Variants in ATL3 observed in about 807,000 individuals in gnomAD.
ATL3 encodes the protein atlastin GTPase 3.
Under a neutral mutation model 69.5 loss-of-function variants are expected in ATL3, and 49 were observed. The ratio of observed to expected loss-of-function variants is 0.71; its 90% CI spans 0.56 to 0.89. ATL3 has a LOEUF of 0.89. Ranked by LOEUF, ATL3 falls within the 40% of genes least tolerant of loss-of-function variation. The pLI is 0.00. For missense variants in ATL3, 606 were observed against 645.7 expected (o/e 0.94, Z 0.67); for synonymous variants, 214 against 224.1 (o/e 0.95, Z 0.40).
rs747971894 is a variant in ATL3, at chr11:63,660,855, C to CAT, written c.47-1605_47-1604dup. 4.9e-4 allele frequency among the ~76,000 whole-genome samples: 74 copies of CAT among 151,430 alleles called. 1 individual carries two copies. In the South Asian group the frequency reaches 5.0e-3, roughly 10 times the overall value. On this transcript the variant is annotated intron_variant, in intron 1 of 12. Transcript: ENST00000398868. ...AGCTTTATTTAGATATATATATACACATATATATATATTATTTAATCCTCA... is the reference window on the plus strand; with the variant it reads ...AGCTTTATTTAGATATATATATACACATATATATATATATTATTTAATCCTCA...
At position 63,629,369 on chromosome 11, in the gene ATL3, C is replaced by A. The variant is rs1939229666; in HGVS notation, c.1576G>T (p.Val526Leu). ...GGTCTTCCAACAACTGCATCCCTCA[C>A]AGTGGCCTGAGTGGAATTACCGATA... The part of the protein sequence containing the change: ...SHIGNSTQAT[V>L]RDAVVGRPSM... The change falls in exon 13 of 13, where the codon GTG becomes TTG. Residue 526 changes from valine to leucine, a missense_variant. Coordinates refer to ENST00000398868, the MANE Select transcript of ATL3 (RefSeq NM_015459.5). 1 of 1,614,096 alleles carries A rather than the reference C, an allele frequency of 6.2e-7. No homozygotes were observed. Among genetic ancestry groups the A allele is most frequent in the African/African-American group, 1.3e-5 (1 of 74,926 alleles).
chr11:63,671,071 C>T (rs902557487), intron 1 of ATL3, among the ~76,000 whole-genome samples: 3 of 152,122 alleles, frequency 2.0e-5, no homozygotes, highest in African/African-American at 7.2e-5. Flanking sequence ...CGCCCCCGGC[C>T]GAAAAGTAAG....
intron 3 of ATL3, 58 bp downstream of exon 3, chr11:63,658,703 C>A: frequency 6.5e-7 from 1 of 1,535,466 alleles, no homozygotes. Context: ...ACAGTACATG[C>A]TGAAGTTCAT....
intron 1 of ATL3, chr11:63,670,485 C>T (rs918335709): frequency 6.6e-6 from 1 of 152,194 alleles, no homozygotes; most frequent in Non-Finnish European, 1.5e-5. Context: ...GCAAGTGAAA[C>T]GGTCATTTCA....
At position 63,628,014 on chromosome 11, in the gene ATL3, C is replaced by T. The variant is rs894477013; in HGVS notation, c.*1305G>A. The T allele has an allele frequency of 6.6e-6, 1 of 152,158 alleles. No individual in the cohort carries two copies. The highest frequency in any genetic ancestry group is 1.5e-5 in the Non-Finnish European group (1 of 68,022). 9.4% of individuals were successfully genotyped at this position (152,158 alleles called of 1,614,324 possible). ...TGCTGCTAAGCCACATGAAATTAGA[C>T]ATCAATTAAACGCAGTAATATTTGT... On this transcript the variant is annotated 3_prime_UTR_variant, in exon 13 of 13. Coordinates refer to ENST00000398868, the MANE Select transcript of ATL3 (RefSeq NM_015459.5).
At chr11:63,629,474 T>A in intron 12 of ATL3, 69 bp from the exon 13 acceptor site, 2 of 1,393,100 alleles carry the variant, frequency 1.4e-6, no homozygotes, top group Non-Finnish European at 2.0e-6. Flanking sequence ...AGTAAGTCCT[T>A]AAACTTTCAA....
At chr11:63,655,393 C>T (rs1423154615) in intron 3 of ATL3, among the ~76,000 whole-genome samples, 2 of 151,854 alleles carry the variant, frequency 1.3e-5, no homozygotes, top group Non-Finnish European at 2.9e-5. Flanking sequence ...TCAGGTGATC[C>T]GCCCACCCCA....
At position 63,631,182 on chromosome 11, in the gene ATL3, A is replaced by C; in HGVS notation, c.1397T>G (p.Leu466Arg). 7 of 1,614,214 alleles carry C rather than the reference A, an allele frequency of 4.3e-6. No individual in the cohort carries two copies. The highest frequency in any genetic ancestry group is 5.9e-6 in the Non-Finnish European group (7 of 1,180,026). ...IASGLTGFIG[L>R]EVVAQLFNCM... ...GTTGAACAACTGGGCTACAACCTCAAGACCTATGAAGCCAGTGAGGCCTGA... is the reference window on the plus strand; with the variant it reads ...GTTGAACAACTGGGCTACAACCTCACGACCTATGAAGCCAGTGAGGCCTGA... The change falls in exon 12 of 13, where the codon CTT (leucine) becomes CGT (arginine). Residue 466 changes from leucine (L) to arginine (R), a missense_variant. Physicochemically the swap from Leu to Arg is moderately radical, Grantham distance 102. Transcript: ENST00000398868.
chr11:63,651,975 T>C lies in ATL3; in HGVS notation c.522A>G (p.Leu174=). The C allele has an allele frequency of 6.2e-7, 1 of 1,601,952 alleles. No individual in the cohort carries two copies. Among genetic ancestry groups the C allele is most frequent in the Non-Finnish European group, 8.5e-7 (1 of 1,176,580 alleles). The change falls in exon 5 of 13, where the codon TTA becomes TTG. Residue 174 remains leucine (L), a synonymous_variant. Transcript: ENST00000398868. ...GATCATCTTCTTGAATGTTCTGAGATAAATTATAAATCTAGAAAACAAAAA... is the reference window on the plus strand; with the variant it reads ...GATCATCTTCTTGAATGTTCTGAGACAAATTATAAATCTAGAAAACAAAAA... ...TMTSSVQIYN[L]SQNIQEDDLQ... is the part of the protein sequence containing the mutation.
intron 12 of ATL3, among the ~76,000 whole-genome samples, chr11:63,629,987 T>C (rs965764003): frequency 1.3e-5 from 2 of 152,126 alleles, no homozygotes; most frequent in African/African-American, 2.4e-5. Flanking sequence ...CCTAATCCAG[T>C]AGGACTCAAA....
chr11:63,664,769 G>A (rs1368126425), intron 1 of ATL3, among the ~76,000 whole-genome samples: 2 of 151,178 alleles, frequency 1.3e-5, no homozygotes, highest in Admixed American at 6.6e-5. Context: ...CTCCATGCCC[G>A]GCTAATTTTT....
intron 6 of ATL3, 133 bp downstream of exon 6, chr11:63,646,374 T>C (rs966651573): frequency 3.1e-5 from 17 of 541,410 alleles, no homozygotes; most frequent in Admixed American, 2.0e-4. Flanking sequence ...CATTTAAAAA[T>C]GTAAAAACCA....
Position 63,644,362 on chromosome 11 carries a change from G to T in ATL3, c.619-101C>A, listed in dbSNP as rs545550119. On this transcript the variant is annotated intron_variant, in intron 6 of 12. Transcript: ENST00000398868. ...GCATAATGCCAGCTTCTACAAAGGG[G>T]GTAAAGTAGAAGGATTTACCTTTTT... The T allele has an allele frequency of 3.2e-4, 219 of 679,834 alleles. 1 individual carries two copies. The African/African-American group carries it at 4.0e-3, about 12-fold the overall frequency. The allele number at this position is 679,834 out of a possible 1,614,324, so 42.1% of individuals were successfully genotyped here.
At chr11:63,648,494 T>A (rs1293605378) in intron 5 of ATL3, among the ~76,000 whole-genome samples, 1 of 152,138 alleles carries the variant, frequency 6.6e-6, no homozygotes, top group Admixed American at 6.5e-5. Context: ...CTTAAATAGG[T>A]AGTCAAGGAC....
rs1006099134 is a variant in ATL3, at chr11:63,625,180, A to G, written c.*4139T>C. The G allele has an allele frequency of 1.3e-5, 2 of 152,022 alleles. No homozygotes were observed. The highest frequency in any genetic ancestry group is 4.8e-5 in the African/African-American group (2 of 41,248). The allele number at this position is 152,022 out of a possible 1,614,324, so 9.4% of individuals were successfully genotyped here. On this transcript the variant is annotated 3_prime_UTR_variant, in exon 13 of 13. Coordinates refer to ENST00000398868, the MANE Select transcript of ATL3 (RefSeq NM_015459.5). ...AATGGGCTTCTTAATGTCATTTTTAAAAATTAATCACACAAATAGTTTGTA... is the reference window on the plus strand; with the variant it reads ...AATGGGCTTCTTAATGTCATTTTTAGAAATTAATCACACAAATAGTTTGTA...
chr11:63,668,008 T>C (rs2134546513), intron 1 of ATL3, among the ~76,000 whole-genome samples: 1 of 152,228 alleles, frequency 6.6e-6, no homozygotes, highest in Admixed American at 6.5e-5. Context: ...AATATTACCA[T>C]AGGTTAAGAA....
At chr11:63,660,032 T>C (rs1178789472) in intron 1 of ATL3, among the ~76,000 whole-genome samples, 4 of 141,000 alleles carry the variant, frequency 2.8e-5, no homozygotes, top group African/African-American at 7.9e-5. Context: ...AGTATAATAA[T>C]AATAAAAAAT....
intron 1 of ATL3, among the ~76,000 whole-genome samples, chr11:63,659,818 T>C (rs1940367414): frequency 6.6e-6 from 1 of 151,792 alleles, no homozygotes; most frequent in South Asian, 2.1e-4. Flanking sequence ...CACCTGTAAG[T>C]CCTAGCTACT....
At chr11:63,651,517 G>A (rs897150996) in intron 5 of ATL3, among the ~76,000 whole-genome samples, 5 of 152,032 alleles carry the variant, frequency 3.3e-5, no homozygotes, top group African/African-American at 1.2e-4. Context: ...TTCCCCAGAG[G>A]AAAAGACCCA....
Sources: allele counts gnomAD v4.1 joint callset (sites outside exome capture counted in the v4.1 genomes callset), GRCh38; gene constraint gnomAD v4.1.1; transcripts MANE v1.5; gene names NCBI Gene and HGNC (gene_info 2026-07-23, HGNC 2026-07-21).